ULK4: variants seen among roughly 807,000 people sequenced by gnomAD.
ULK4 encodes unc-51 like kinase 4, also known as inactive serine/threonine-protein kinase ULK4.
In ULK4, 133 loss-of-function variants were observed where a neutral mutation model predicts 160.6. The ratio of observed to expected loss-of-function variants is 0.83; its 90% CI spans 0.72 to 0.96. The LOEUF is 0.96. ULK4 is among the 40% of genes least tolerant of loss of function. The pLI, the probability that ULK4 is intolerant of heterozygous loss-of-function variation, is 0.00. For missense variants in ULK4, 1,580 were observed against 1,499.5 expected (o/e 1.05, Z -0.89); for synonymous variants, 534 against 539.8 (o/e 0.99, Z 0.15).
At chr3:41,700,972 T>C (rs1325229467) in intron 27 of ULK4, among the ~76,000 whole-genome samples, 3 of 151,772 alleles carry the variant, frequency 2.0e-5, no homozygotes, top group African/African-American at 4.8e-5. Flanking sequence ...CAACGTGCTA[T>C]ATGTGGCAGC....
chr3:41,681,661 A>G lies in ULK4; in HGVS notation c.2834-9T>C. On this transcript the variant is annotated splice_polypyrimidine_tract_variant and intron_variant, in intron 28 of 36. Coordinates refer to ENST00000301831, the MANE Select transcript of ULK4 (RefSeq NM_017886.4). ...AAAGAGTCTCCACTCCACTTGAAAGAAAAAAAAAATGCCAAGAATGTGACT... is the reference window on the plus strand; with the variant it reads ...AAAGAGTCTCCACTCCACTTGAAAGGAAAAAAAAATGCCAAGAATGTGACT... 1 of 1,540,912 alleles carries G rather than the reference A, an allele frequency of 6.5e-7. No homozygotes were observed. Among genetic ancestry groups the G allele is most frequent in the Non-Finnish European group, 8.8e-7 (1 of 1,131,640 alleles).
chr3:41,592,428 G>C (rs965673518), intron 31 of ULK4, among the ~76,000 whole-genome samples: 2 of 152,142 alleles, frequency 1.3e-5, no homozygotes, highest in African/African-American at 4.8e-5. Context: ...GGGTGGGAAA[G>C]GGGTGAGGGA....
At chr3:41,701,974 A>G (rs1191177721) in intron 27 of ULK4, among the ~76,000 whole-genome samples, 1 of 152,224 alleles carries the variant, frequency 6.6e-6, no homozygotes, top group African/African-American at 2.4e-5. Flanking sequence ...AAATGTCAAT[A>G]AAACAAGAAA....
At chr3:41,748,357 A>G (rs1479121927) in intron 22 of ULK4, among the ~76,000 whole-genome samples, 1 of 151,912 alleles carries the variant, frequency 6.6e-6, no homozygotes, top group Non-Finnish European at 1.5e-5. Context: ...CAATACATAT[A>G]TTAACACTGA....
chr3:41,681,470 T>C (rs2035919267), intron 29 of ULK4, 38 bp downstream of exon 29: 2 of 1,611,716 alleles, frequency 1.2e-6, no homozygotes, highest in Non-Finnish European at 1.7e-6. Context: ...CTGGATAGCC[T>C]ACACTTCTCT....
intron 31 of ULK4, among the ~76,000 whole-genome samples, chr3:41,602,310 G>T (rs2032134628): frequency 7.5e-6 from 1 of 133,810 alleles, no homozygotes; most frequent in African/African-American, 2.9e-5. Context: ...GGAAAGGAAA[G>T]GAAAGGAAAG....
chr3:41,928,904 G>A (rs760596790), intron 5 of ULK4, among the ~76,000 whole-genome samples: 1 of 151,866 alleles, frequency 6.6e-6, no homozygotes, highest in African/African-American at 2.4e-5. Flanking sequence ...GAATTCGACC[G>A]GAGGTACAAA....
chr3:41,505,123 G>C (rs2085333217), intron 32 of ULK4, among the ~76,000 whole-genome samples: 1 of 152,110 alleles, frequency 6.6e-6, no homozygotes, highest in Non-Finnish European at 1.5e-5. Flanking sequence ...TATATAAACA[G>C]ACATTTTCAG....
chr3:41,299,395 T>C (rs1309518799), intron 35 of ULK4, among the ~76,000 whole-genome samples: 2 of 152,160 alleles, frequency 1.3e-5, no homozygotes, highest in African/African-American at 4.8e-5. Flanking sequence ...CCAACTTTCC[T>C]TATAACTTGC....
intron 6 of ULK4, 50 bp downstream of exon 6, chr3:41,919,667 C>T (rs749559777): frequency 1.4e-6 from 2 of 1,475,694 alleles, no homozygotes; most frequent in Admixed American, 3.4e-5. Context: ...ACAGACTTAA[C>T]CTGGTTTTTA....
Position 41,932,013 on chromosome 3 carries a change from A to C in ULK4, c.379-7T>G. The C allele has an allele frequency of 6.2e-7, 1 of 1,608,580 alleles. No homozygotes were observed. On this transcript the variant is annotated splice_polypyrimidine_tract_variant and splice_region_variant and intron_variant, in intron 4 of 36. Coordinates refer to ENST00000301831, the MANE Select transcript of ULK4 (RefSeq NM_017886.4). ...CAGGCCCTTCCAAGAGTATCTATGA[A>C]GATCAAATAAATGTTTTCAGAAAAA...
At chr3:41,589,691 A>G (rs1400238036) in intron 31 of ULK4, among the ~76,000 whole-genome samples, 1 of 152,196 alleles carries the variant, frequency 6.6e-6, no homozygotes, top group African/African-American at 2.4e-5. Context: ...TAAAAAGTTA[A>G]AATAATCTAA....
At chr3:41,387,936 G>C (rs1289189449) in intron 35 of ULK4, among the ~76,000 whole-genome samples, 2 of 152,144 alleles carry the variant, frequency 1.3e-5, no homozygotes, top group Non-Finnish European at 2.9e-5. Flanking sequence ...CTAGATCCCT[G>C]AGGAATCGCC....
chr3:41,938,320 TC>T, intron 2 of ULK4, 123 bp from the exon 3 acceptor site: 1 of 689,534 alleles, frequency 1.5e-6, no homozygotes. Flanking sequence ...TTGGTGGAAT[TC>T]TATACAGACA....
intron 35 of ULK4, among the ~76,000 whole-genome samples, chr3:41,368,148 C>T (rs535351849): frequency 2.0e-5 from 3 of 151,634 alleles, no homozygotes; most frequent in South Asian, 2.1e-4. Flanking sequence ...CTGGGGTTAA[C>T]GCCATTCTCC....
At chr3:41,860,037 G>A (rs2042463558) in intron 17 of ULK4, among the ~76,000 whole-genome samples, 3 of 151,848 alleles carry the variant, frequency 2.0e-5, no homozygotes, top group Non-Finnish European at 4.4e-5. Flanking sequence ...CCATGTATTT[G>A]TAAAGTTTCT....
chr3:41,827,484 A>G (rs1455779897), intron 18 of ULK4, among the ~76,000 whole-genome samples: 2 of 152,194 alleles, frequency 1.3e-5, no homozygotes, highest in African/African-American at 4.8e-5. Flanking sequence ...CCGATCCCAC[A>G]GAAATACAAA....
chr3:41,411,595 T>C (rs1575527320), intron 34 of ULK4, among the ~76,000 whole-genome samples: 1 of 151,728 alleles, frequency 6.6e-6, no homozygotes, highest in African/African-American at 2.4e-5. Flanking sequence ...ACCATGCCCA[T>C]CTAATTTTTG....
intron 35 of ULK4, among the ~76,000 whole-genome samples, chr3:41,363,295 G>C (rs575421519): frequency 3.9e-5 from 6 of 152,368 alleles, no homozygotes. Context: ...GACTTTGAGG[G>C]AGGCCAGATG....
Sources: gnomAD v4.1 joint callset for allele counts (sites outside exome capture counted in the v4.1 genomes callset) on GRCh38, gnomAD v4.1.1 for gene constraint, MANE v1.5 for transcripts, NCBI Gene and HGNC (gene_info 2026-07-23, HGNC 2026-07-21) for gene names.